The following RPH3AL variants were observed in gnomAD, a reference collection of about 807,000 sequenced individuals.
RPH3AL encodes the protein rabphilin 3A like (without C2 domains).
RPH3AL carries 38 observed loss-of-function variants against 43.1 expected under a neutral mutation model. The ratio of observed to expected loss-of-function variants is 0.88; its 90% confidence interval spans 0.68 to 1.15. RPH3AL has a LOEUF of 1.15. Ranked by LOEUF, RPH3AL falls within the 50% of genes most tolerant of loss-of-function variation. The pLI is 0.00. For missense variants in RPH3AL, 462 were observed against 423.2 expected (o/e 1.09, Z -0.81); for synonymous variants, 189 against 176.3 (o/e 1.07, Z -0.57).
intron 5 of RPH3AL, among the ~76,000 whole-genome samples, chr17:310,968 C>T (rs866181503): frequency 6.6e-6 from 1 of 152,172 alleles, no homozygotes; most frequent in Non-Finnish European, 1.5e-5. Flanking sequence ...GTCCCAGGCC[C>T]TCCACACCTG....
chr17:316,032 A>T (rs1285772533), intron 5 of RPH3AL, among the ~76,000 whole-genome samples: 20 of 146,166 alleles, frequency 1.4e-4, no homozygotes, highest in African/African-American at 2.1e-4. Flanking sequence ...CCCCACCTCC[A>T]TTGACCTGTA....
chr17:351,297 G>A (rs924335319), intron 1 of RPH3AL, among the ~76,000 whole-genome samples: 19 of 152,170 alleles, frequency 1.2e-4, no homozygotes, highest in South Asian at 4.1e-4. Context: ...ACACATAAAC[G>A]AGACTCTTCA....
chr17:269,002 C>T (rs1337630082), intron 6 of RPH3AL, among the ~76,000 whole-genome samples: 2 of 152,174 alleles, frequency 1.3e-5, no homozygotes, highest in Non-Finnish European at 2.9e-5. Flanking sequence ...CCTCAGCCTC[C>T]CGAGTAGCTG....
At chr17:313,580 C>T (rs2043706980) in intron 5 of RPH3AL, among the ~76,000 whole-genome samples, 1 of 152,270 alleles carries the variant, frequency 6.6e-6, no homozygotes, top group Non-Finnish European at 1.5e-5. Flanking sequence ...GAGAGGCCCC[C>T]TAAGCCTCTC....
intron 7 of RPH3AL, among the ~76,000 whole-genome samples, chr17:235,868 T>G (rs1597900458): frequency 7.2e-6 from 1 of 139,096 alleles, no homozygotes; most frequent in African/African-American, 2.7e-5. Flanking sequence ...AAAGCTGGGG[T>G]CGGCCGAGGC....
intron 3 of RPH3AL, among the ~76,000 whole-genome samples, chr17:327,027 G>A (rs954987852): frequency 2.6e-5 from 4 of 152,240 alleles, no homozygotes; most frequent in African/African-American, 9.6e-5. Context: ...CCGTCTGACA[G>A]TGCCAAGCAC....
At chr17:281,888 G>A in intron 5 of RPH3AL, 34 bp from the exon 6 acceptor site, 1 of 1,544,362 alleles carries the variant, frequency 6.5e-7, no homozygotes, top group Non-Finnish European at 9.0e-7. Context: ...TGTAAAGATT[G>A]CAGCCGCTTC....
chr17:281,667 C>A, intron 6 of RPH3AL, 101 bp downstream of exon 6: 1 of 553,340 alleles, frequency 1.8e-6, no homozygotes, highest in South Asian at 2.2e-5. Context: ...GTATCCAGCC[C>A]GCCCAGCCCT....
chr17:314,308 G>A (rs953229669), intron 5 of RPH3AL, among the ~76,000 whole-genome samples: 7 of 151,752 alleles, frequency 4.6e-5, no homozygotes, highest in Admixed American at 1.3e-4. Context: ...CAGCTGTGGG[G>A]TTGAGAGACA....
intron 6 of RPH3AL, among the ~76,000 whole-genome samples, chr17:275,473 A>G (rs1291073970): frequency 6.6e-6 from 1 of 152,080 alleles, no homozygotes; most frequent in African/African-American, 2.4e-5. Context: ...AGAACTAAGC[A>G]TGGGGACGTC....
intron 7 of RPH3AL, among the ~76,000 whole-genome samples, chr17:229,482 G>A (rs1297512992): frequency 6.6e-6 from 1 of 152,116 alleles, no homozygotes; most frequent in Non-Finnish European, 1.5e-5. Flanking sequence ...GACCCCATCT[G>A]TCACCTCCAT....
At chr17:315,867 C>A (rs113146406) in intron 5 of RPH3AL, among the ~76,000 whole-genome samples, 233 of 8,164 alleles carry the variant, frequency 0.029, no homozygotes, top group Non-Finnish European at 0.056. Context: ...AGTCCCTGTG[C>A]CCCCACCTCC....
rs147618775 is a variant in RPH3AL, at chr17:313,259, C to T, written c.351+6161G>A. Among the ~76,000 whole-genome samples, 80 of 152,296 alleles carry T rather than the reference C, an allele frequency of 5.3e-4. No individual in the cohort carries two copies. In the East Asian group the frequency reaches 7.7e-3, roughly 15 times the overall value. ...AGTGACGGCCATCACCACCTGTCTC[C>T]AGCACTAGGGTCGTCTCTTAAAAAC... On this transcript the variant is annotated intron_variant, in intron 5 of 9. Coordinates refer to ENST00000331302, the MANE Select transcript of RPH3AL (RefSeq NM_006987.4).
At chr17:344,010 C>T (rs528132421) in intron 1 of RPH3AL, among the ~76,000 whole-genome samples, 4 of 79,196 alleles carry the variant, frequency 5.1e-5, no homozygotes, top group African/African-American at 1.4e-4. Flanking sequence ...TCTGTCATCA[C>T]CACCATCATC....
At chr17:228,417 G>A (rs561036773) in intron 7 of RPH3AL, among the ~76,000 whole-genome samples, 13 of 152,214 alleles carry the variant, frequency 8.5e-5, no homozygotes, top group East Asian at 5.8e-4. Context: ...CCGGGTTGTC[G>A]TGAGGGTCAA....
intron 2 of RPH3AL, chr17:332,134 C>T (rs1002273799): frequency 1.8e-5 from 6 of 341,062 alleles, no homozygotes; most frequent in African/African-American, 4.4e-5. Context: ...TGGAGCTCTG[C>T]GGGGAGCAGA....
chr17:299,714 C>T (rs375566301), intron 5 of RPH3AL, among the ~76,000 whole-genome samples: 2 of 152,218 alleles, frequency 1.3e-5, no homozygotes, highest in Non-Finnish European at 2.9e-5. Context: ...GTGTGCGGCA[C>T]GGGGCCGCGC....
chr17:238,963 A>G (rs1466807593), intron 7 of RPH3AL, among the ~76,000 whole-genome samples: 3 of 152,200 alleles, frequency 2.0e-5, no homozygotes, highest in Non-Finnish European at 4.4e-5. Flanking sequence ...CAGGAAGAGC[A>G]GGGGAGAGCA....
chr17:332,930 G>A (rs747240251), intron 2 of RPH3AL: 38 of 1,036,254 alleles, frequency 3.7e-5, no homozygotes, highest in African/African-American at 1.3e-4. Context: ...AGGAGGACCC[G>A]AGGGGTACAG....
Sources: gnomAD v4.1 joint callset for allele counts (sites outside exome capture counted in the v4.1 genomes callset) on GRCh38, gnomAD v4.1.1 for gene constraint, MANE v1.5 for transcripts, NCBI Gene and HGNC (gene_info 2026-07-23, HGNC 2026-07-21) for gene names.